Variants in MYLIP observed in about 807,000 individuals in gnomAD.
The protein encoded by MYLIP is E3 ubiquitin-protein ligase MYLIP.
A neutral mutation model predicts 45.8 loss-of-function variants in MYLIP; 26 were observed. The observed-to-expected ratio is 0.57, with a 90% confidence interval of 0.42 to 0.79. The LOEUF is 0.79. Among genes scored for constraint, MYLIP ranks in the 30% least tolerant of loss-of-function variants. MYLIP has a pLI of 0.00. For synonymous variants in MYLIP, 213 were observed against 218.1 expected, an observed-to-expected ratio of 0.98 and a Z score of 0.21; for missense variants, 494 against 555.6, an observed-to-expected ratio of 0.89 and a Z score of 1.11.
chr6:16,149,831 C>T (rs1028275395), downstream of MYLIP, among the ~76,000 whole-genome samples: 13 of 152,116 alleles, frequency 8.5e-5, no homozygotes, highest in Admixed American at 7.9e-4. Flanking sequence ...AGAGACAAGT[C>T]GTATGAAAAT....
intron 2 of MYLIP, among the ~76,000 whole-genome samples, chr6:16,132,982 T>A (rs933491725): frequency 6.6e-6 from 1 of 152,230 alleles, no homozygotes; most frequent in Non-Finnish European, 1.5e-5. Flanking sequence ...TATTAAATGA[T>A]GCTGAAATAT....
rs1581610114 is a variant in MYLIP at position 16,146,847 on chromosome 6, A to C, written c.*96A>C. The C allele has an allele frequency of 3.8e-6, 4 of 1,056,928 alleles. No homozygotes were observed. Among genetic ancestry groups the C allele is most frequent in the Non-Finnish European group, 4.1e-6 (3 of 733,702 alleles). The allele number at this position is 1,056,928 out of a possible 1,614,324, so 65.5% of individuals were successfully genotyped here. ...TTGTGGAGAAAGTAATTATTCCAAC[A>C]CCCATCTGCCATGCGATGTTAAAAA... On this transcript the variant is annotated 3_prime_UTR_variant, in exon 7 of 7. Coordinates refer to ENST00000356840, the MANE Select transcript of MYLIP (RefSeq NM_013262.4).
At chr6:16,150,672 G>A (rs138821633), downstream of MYLIP, among the ~76,000 whole-genome samples, 2 of 152,230 alleles carry the variant, frequency 1.3e-5, 1 homozygote, top group East Asian at 3.9e-4. Context: ...GCCAAAAGAG[G>A]AATAAATGGA....
chr6:16,158,905 C>A, the MYLIP span, among the ~76,000 whole-genome samples: 1 of 152,078 alleles, frequency 6.6e-6, no homozygotes. Context: ...AAAGATAATA[C>A]CTGTTCATGG....
At chr6:16,145,693 C>G (rs998608136) in intron 6 of MYLIP, among the ~76,000 whole-genome samples, 2 of 151,980 alleles carry the variant, frequency 1.3e-5, no homozygotes, top group African/African-American at 4.8e-5. Context: ...GGAGGATGGT[C>G]TTTATTACTT....
At chr6:16,146,327 G>C (rs748990733) in intron 6 of MYLIP, among the ~76,000 whole-genome samples, 2 of 152,220 alleles carry the variant, frequency 1.3e-5, no homozygotes, top group Non-Finnish European at 2.9e-5. Context: ...GCTGCCTGAA[G>C]TGTTATAGTC....
the MYLIP span, among the ~76,000 whole-genome samples, chr6:16,158,763 G>A: frequency 1.3e-5 from 2 of 152,154 alleles, no homozygotes; most frequent in African/African-American, 2.4e-5. Context: ...CCAGCTACTC[G>A]GGAGGCTGAG....
intron 2 of MYLIP, among the ~76,000 whole-genome samples, chr6:16,140,761 C>T (rs1031029457): frequency 2.0e-5 from 3 of 152,104 alleles, no homozygotes; most frequent in Admixed American, 6.5e-5. Flanking sequence ...GGCCAGATGG[C>T]GGAGACTCCT....
At chr6:16,143,896 C>T (rs2113561221) in intron 5 of MYLIP, 33 bp downstream of exon 5, 1 of 1,594,414 alleles carries the variant, frequency 6.3e-7, no homozygotes, top group Non-Finnish European at 8.6e-7. Context: ...CACCTCAGCA[C>T]CACAGCTCTC....
intron 5 of MYLIP, 63 bp from the exon 6 acceptor site, chr6:16,144,834 C>G (rs1759750453): frequency 1.3e-6 from 2 of 1,516,752 alleles, no homozygotes; most frequent in Admixed American, 2.0e-5. Flanking sequence ...TTATTGACAA[C>G]AGCGAATAAG....
rs1451107429 is a variant in MYLIP at position 16,129,294 on chromosome 6, C to G, written c.-29C>G. ...AGCCCCGCGCACACCAAAGAGAAGG[C>G]GGCTGTGGCGGCAGCGGCAGCCCCA... is the stretch of plus-strand genomic sequence containing the variant. On this transcript the variant is annotated 5_prime_UTR_variant, in exon 1 of 7. Transcript: ENST00000356840. The surrounding 1 kb of genome is among the most constrained non-coding windows in gnomAD (Gnocchi z 5.1). The G allele has an allele frequency of 6.5e-7, 1 of 1,548,622 alleles. No individual in the cohort carries two copies. Among genetic ancestry groups the G allele is most frequent in the Admixed American group, 2.0e-5 (1 of 51,150 alleles).
chr6:16,143,660 C>T (rs368981890), intron 4 of MYLIP, 39 bp from the exon 5 acceptor site: 3 of 1,602,930 alleles, frequency 1.9e-6, no homozygotes, highest in Non-Finnish European at 2.6e-6. Flanking sequence ...AAGAATCACT[C>T]CTTCTAGATC....
At chr6:16,158,292 G>T in the MYLIP span, among the ~76,000 whole-genome samples, 1 of 152,324 alleles carries the variant, frequency 6.6e-6, no homozygotes, top group South Asian at 2.1e-4. Context: ...GTCTTCAGTC[G>T]TTTGGTCCGA....
rs113117363 is a variant in MYLIP at position 16,146,971 on chromosome 6, G to T, written c.*220G>T. 387 of 428,526 alleles carry T rather than the reference G, an allele frequency of 9.0e-4. 3 individuals carry two copies. The highest frequency in any genetic ancestry group is 6.4e-3 in the African/African-American group (328 of 50,888). The allele number at this position is 428,526 out of a possible 1,614,324, so 26.5% of individuals were successfully genotyped here. A position where few individuals can be genotyped will look rare whatever the true frequency, so the allele number is the denominator to read the frequency against. ...CAGTCATGGGACCAGGAGGAGCTCT[G>T]GGACGCAGACACATTCCTTGGATGT... On this transcript the variant is annotated 3_prime_UTR_variant, in exon 7 of 7. Transcript: ENST00000356840.
chr6:16,130,772 T>G lies in MYLIP; in HGVS notation c.278+25T>G, dbSNP rs763588341. On this transcript the variant is annotated intron_variant, in intron 2 of 6. Coordinates refer to ENST00000356840, the MANE Select transcript of MYLIP (RefSeq NM_013262.4). Reference sequence around the variant, plus strand: ...GGTAAAGTGAGCTAAAATAAACCAATGTCAAATTGACCTTTGGTTCCCTTT... The same window carrying G: ...GGTAAAGTGAGCTAAAATAAACCAAGGTCAAATTGACCTTTGGTTCCCTTT... 12 of 1,600,104 alleles carry G rather than the reference T, an allele frequency of 7.5e-6. No homozygotes were observed. In the South Asian group the frequency reaches 1.3e-4, roughly 18 times the overall value.
At position 16,145,231 on chromosome 6, in the gene MYLIP, A is replaced by G. The variant is rs755521818; in HGVS notation, c.1162A>G (p.Met388Val). The G allele has an allele frequency of 2.5e-6, 4 of 1,614,046 alleles. No individual in the cohort carries two copies. Among genetic ancestry groups the G allele is most frequent in the African/African-American group, 1.3e-5 (1 of 75,044 alleles). Residue 388 changes from methionine (M) to valine (V), a missense_variant, in exon 6 of 7, where the codon ATG becomes GTG. Transcript: ENST00000356840. Reference protein sequence around the residue: ...LRKLKEAMLCMVCCEEEINST... With the variant: ...LRKLKEAMLCVVCCEEEINST... ...CAAGCTGAAGGAAGCCATGCTGTGC[A>G]TGGTGTGCTGCGAGGAGGAGATCAA...
At chr6:16,146,508 C>T (rs547796919) in intron 6 of MYLIP, among the ~76,000 whole-genome samples, 154 bp from the exon 7 acceptor site, 4 of 152,254 alleles carry the variant, frequency 2.6e-5, no homozygotes, top group East Asian at 1.9e-4. Context: ...ACCTGTGAGA[C>T]GGCAAAGATC....
rs769712209 is a variant in MYLIP, at chr6:16,143,684, C to T, written c.663-15C>T. 6.2e-7 allele frequency: 1 copy of T among 1,612,868 alleles called. No homozygotes were observed. The highest frequency in any genetic ancestry group is 8.5e-7 in the Non-Finnish European group (1 of 1,179,256). On this transcript the variant is annotated splice_polypyrimidine_tract_variant and intron_variant, in intron 4 of 6. Transcript: ENST00000356840. ...TCCTTCTAGATCTGCTTTCTTTTCT[C>T]TTCCTGTCTCTTAGGATAGCTTATC...
the MYLIP span, among the ~76,000 whole-genome samples, chr6:16,157,193 G>T: frequency 1.3e-5 from 2 of 152,296 alleles, no homozygotes; most frequent in Non-Finnish European, 2.9e-5. Context: ...CTTTTCCCTT[G>T]CTTCCCTTCA....
Sources: allele counts gnomAD v4.1 joint callset (sites outside exome capture counted in the v4.1 genomes callset), GRCh38; gene constraint gnomAD v4.1.1; non-coding constraint Gnocchi (gnomAD v3.1); transcripts MANE v1.5; gene names NCBI Gene and HGNC (gene_info 2026-07-23, HGNC 2026-07-21).